The following CCDC171 variants were observed in gnomAD, a reference collection of about 807,000 sequenced individuals.
CCDC171 encodes coiled-coil domain-containing protein 171.
In CCDC171, 177 loss-of-function variants were observed where a neutral mutation model predicts 168.2. The ratio of observed to expected loss-of-function variants is 1.05; its 90% CI spans 0.93 to 1.19. The LOEUF (loss-of-function observed/expected upper bound fraction) is 1.19. CCDC171 is among the 50% of genes most tolerant of loss of function. The pLI, the probability that CCDC171 is intolerant of heterozygous loss-of-function variation, is 0.00. For synonymous variants in CCDC171, 687 were observed against 540.8 expected (o/e 1.27, Z -3.75); for missense variants, 1,991 against 1,539.0 (o/e 1.29, Z -4.91).
chr9:15,680,774 A>G (rs1266609509), intron 10 of CCDC171, among the ~76,000 whole-genome samples: 1 of 152,156 alleles, frequency 6.6e-6, no homozygotes, highest in Admixed American at 6.6e-5. Flanking sequence ...AGGTTGAATC[A>G]GTAGTGGAGA....
chr9:15,887,252 C>CA (rs904867658), intron 24 of CCDC171, among the ~76,000 whole-genome samples: 3 of 151,774 alleles, frequency 2.0e-5, no homozygotes, highest in Non-Finnish European at 2.9e-5. Context: ...CTTTATTTGT[C>CA]AAAAAAATAT....
intron 24 of CCDC171, among the ~76,000 whole-genome samples, chr9:15,906,271 T>A (rs1158725235): frequency 6.6e-6 from 1 of 152,182 alleles, no homozygotes; most frequent in East Asian, 1.9e-4. Context: ...GCAAAAATCC[T>A]CAATAAAATA....
At chr9:15,751,320 G>C (rs1429495269) in intron 18 of CCDC171, among the ~76,000 whole-genome samples, 1 of 152,200 alleles carries the variant, frequency 6.6e-6, no homozygotes, top group Non-Finnish European at 1.5e-5. Context: ...TGGATAGGAA[G>C]AATCAATATC....
chr9:15,929,367 C>G (rs1473001849), intron 25 of CCDC171, among the ~76,000 whole-genome samples: 1 of 151,596 alleles, frequency 6.6e-6, no homozygotes, highest in East Asian at 1.9e-4. Context: ...TTTCAATTAC[C>G]TATTAAACAT....
intron 8 of CCDC171, 189 bp downstream of exon 8, chr9:15,657,408 A>T (rs142501487): frequency 2.3e-6 from 1 of 432,098 alleles, no homozygotes; most frequent in Non-Finnish European, 4.3e-6. Flanking sequence ...GAGTTGGCAC[A>T]CTATAGCCTA....
chr9:15,573,633 T>G (rs1181473538), intron 3 of CCDC171, among the ~76,000 whole-genome samples: 1 of 111,536 alleles, frequency 9.0e-6, no homozygotes, highest in East Asian at 6.9e-4. Context: ...CTATTTACAT[T>G]GTAATAATCA....
At chr9:16,100,793 C>G in the CCDC171 span, among the ~76,000 whole-genome samples, 1 of 152,170 alleles carries the variant, frequency 6.6e-6, no homozygotes, top group Non-Finnish European at 1.5e-5. Context: ...GAGAGCCTGT[C>G]AGGCGCCCCC....
At chr9:16,039,748 C>G (rs1393376574), upstream of CCDC171, among the ~76,000 whole-genome samples, 3 of 152,168 alleles carry the variant, frequency 2.0e-5, no homozygotes, top group African/African-American at 7.2e-5. Context: ...ACTCATGTCC[C>G]TCTTCTTGGA....
chr9:15,917,860 T>G (rs921978179), intron 24 of CCDC171, among the ~76,000 whole-genome samples: 1 of 151,776 alleles, frequency 6.6e-6, no homozygotes. Flanking sequence ...TATGCATGTT[T>G]CAGCCTTTTA....
intron 3 of CCDC171, among the ~76,000 whole-genome samples, chr9:15,573,607 A>G (rs1442182687): frequency 1.3e-5 from 2 of 148,276 alleles, no homozygotes; most frequent in East Asian, 2.1e-4. Flanking sequence ...TTAAGTGATA[A>G]TTGAAGTAAT....
intron 8 of CCDC171, among the ~76,000 whole-genome samples, chr9:15,665,086 C>T (rs770860876): frequency 6.6e-6 from 1 of 152,128 alleles, no homozygotes; most frequent in African/African-American, 2.4e-5. Flanking sequence ...TGTTTTATCT[C>T]TTACCTCCTG....
intron 9 of CCDC171, among the ~76,000 whole-genome samples, chr9:15,678,283 A>G (rs897443479): frequency 6.6e-6 from 1 of 152,034 alleles, no homozygotes; most frequent in African/African-American, 2.4e-5. Context: ...GTGAATGTGA[A>G]TTATTTTTGA....
At chr9:15,561,529 T>C (rs2039300502) in intron 1 of CCDC171, among the ~76,000 whole-genome samples, 1 of 152,194 alleles carries the variant, frequency 6.6e-6, no homozygotes, top group Non-Finnish European at 1.5e-5. Flanking sequence ...AAGGGCACTG[T>C]AGTTCTTTAA....
At chr9:15,894,301 C>G (rs1234772679) in intron 24 of CCDC171, among the ~76,000 whole-genome samples, 2 of 151,978 alleles carry the variant, frequency 1.3e-5, no homozygotes, top group African/African-American at 2.4e-5. Context: ...GGAAGAGCAT[C>G]AGGAAGGATA....
At chr9:15,771,496 A>G (rs1019095660) in intron 18 of CCDC171, among the ~76,000 whole-genome samples, 2 of 152,026 alleles carry the variant, frequency 1.3e-5, no homozygotes, top group Non-Finnish European at 2.9e-5. Flanking sequence ...TGATCATACT[A>G]TGATCATATT....
chr9:15,829,709 C>T (rs2060151822), intron 21 of CCDC171, among the ~76,000 whole-genome samples: 1 of 152,078 alleles, frequency 6.6e-6, no homozygotes, highest in Admixed American at 6.6e-5. Flanking sequence ...TGCTTGAGCC[C>T]AGGAGTTAAA....
rs1026398506 is a variant in CCDC171 at position 15,588,567 on chromosome 9, C to G, written c.353-2799C>G. 3 of 332,882 alleles carry G rather than the reference C, an allele frequency of 9.0e-6. No homozygotes were observed. In the East Asian group the frequency reaches 2.7e-4, roughly 30 times the overall value. 20.6% of individuals were successfully genotyped at this position (332,882 alleles called of 1,614,324 possible). The stretch of plus-strand genomic sequence containing the variant: ...AGAATCCTGCAGGAAATGGAGATGC[C>G]AAAACAGACCAGGCACAGGAAGCTC... On this transcript the variant is annotated intron_variant, in intron 4 of 25. Coordinates refer to ENST00000380701, the MANE Select transcript of CCDC171 (RefSeq NM_173550.4).
At chr9:15,925,432 G>C (rs1451317647) in intron 25 of CCDC171, among the ~76,000 whole-genome samples, 1 of 151,642 alleles carries the variant, frequency 6.6e-6, no homozygotes, top group African/African-American at 2.4e-5. Context: ...GCAAAGGCGA[G>C]AGAGGTCTAA....
chr9:15,571,627 G>A lies in CCDC171; in HGVS notation c.45G>A (p.Leu15=), dbSNP rs145537319. Residue 15 remains leucine, a synonymous_variant, in exon 3 of 26, where the codon TTG becomes TTA. Transcript: ENST00000380701. ...TTACTGTAATCTCATTTTAAAGGTT[G>A]AAGATTGCCTCATTGGATGTAAAAC... The part of the protein sequence containing the change: ...TSSNTGDTQR[L]KIASLDVKQI... The A allele has an allele frequency of 6.5e-7, 1 of 1,549,282 alleles. No individual in the cohort carries two copies. Among genetic ancestry groups the A allele is most frequent in the African/African-American group, 1.4e-5 (1 of 70,712 alleles).
Sources: allele counts gnomAD v4.1 joint callset (sites outside exome capture counted in the v4.1 genomes callset), GRCh38; gene constraint gnomAD v4.1.1; transcripts MANE v1.5; gene names NCBI Gene and HGNC (gene_info 2026-07-23, HGNC 2026-07-21).